The following KERA variants were observed in gnomAD, a reference collection of about 807,000 sequenced individuals.
KERA encodes the protein keratan sulfate proteoglycan keratocan.
Under a neutral mutation model 26.4 loss-of-function variants are expected in KERA, and 25 were observed. That is an observed-to-expected ratio of 0.95 (90% CI 0.69 to 1.32). KERA has a LOEUF of 1.32. Among genes scored for constraint, KERA ranks in the 40% most tolerant of loss-of-function variants. The pLI is 0.00. For missense variants in KERA, 434 were observed against 408.9 expected (o/e 1.06, Z -0.53); for synonymous variants, 167 against 146.1 (o/e 1.14, Z -1.03).
intron 2 of KERA, 99 bp downstream of exon 2, chr12:91,055,297 G>C: frequency 9.5e-7 from 1 of 1,051,074 alleles, no homozygotes; most frequent in Non-Finnish European, 1.4e-6. Flanking sequence ...GAACATTAGC[G>C]GGGGAGGGGG....
Position 91,056,231 on chromosome 12 carries a change from A to T in KERA, c.51T>A (p.Thr17=). ...FIMWVLFITD[T]VWSRSVRQVY... is the part of the protein sequence containing the mutation. ...CCTGCCTCACACTTCTAGACCACACAGTGTCTGTTATGAATAACACCCACA... is the reference window on the plus strand; with the variant it reads ...CCTGCCTCACACTTCTAGACCACACTGTGTCTGTTATGAATAACACCCACA... Residue 17 remains threonine (T), a synonymous_variant, in exon 2 of 3, where the codon ACT becomes ACA. Transcript: ENST00000266719. 6.2e-7 allele frequency: 1 copy of T among 1,609,444 alleles called. No individual in the cohort carries two copies. Among genetic ancestry groups the T allele is most frequent in the Non-Finnish European group, 8.5e-7 (1 of 1,176,978 alleles).
chr12:91,053,103 C>T lies in KERA; in HGVS notation c.887-1585G>A, dbSNP rs145432634. Among the ~76,000 whole-genome samples the T allele has an allele frequency of 2.8e-3, 422 of 151,366 alleles. 4 individuals are homozygous for T. Among genetic ancestry groups the T allele is most frequent in the African/African-American group, 9.6e-3 (399 of 41,424 alleles). On this transcript the variant is annotated intron_variant, in intron 2 of 2. Transcript: ENST00000266719. ...ATAGAGGAGATATGTTTCTTAGAGA[C>T]CACTTTGTTACAACTAGAGTAGATG...
intron 2 of KERA, 120 bp downstream of exon 2, chr12:91,055,276 A>C (rs1359064994): frequency 3.3e-6 from 3 of 915,580 alleles, no homozygotes; most frequent in Non-Finnish European, 5.1e-6. Context: ...AAACACACTA[A>C]AAATCTAAAG....
intron 1 of KERA, among the ~76,000 whole-genome samples, chr12:91,056,968 T>C (rs1197340563): frequency 6.8e-6 from 1 of 147,410 alleles, no homozygotes. Context: ...ATTCTCTCTC[T>C]CTCTCCCTTT....
At chr12:91,057,503 G>A (rs1879042590) in intron 1 of KERA, among the ~76,000 whole-genome samples, 1 of 150,726 alleles carries the variant, frequency 6.6e-6, no homozygotes, top group Non-Finnish European at 1.5e-5. Context: ...ATGAAATGCT[G>A]ATCATTCAAT....
chr12:91,055,246 A>T, intron 2 of KERA, 150 bp downstream of exon 2: 1 of 741,430 alleles, frequency 1.3e-6, no homozygotes, highest in Non-Finnish European at 2.2e-6. Flanking sequence ...GTATAGACAA[A>T]ATTTAATACT....
chr12:91,051,119 C>T lies in KERA; in HGVS notation c.*227G>A. 2.0e-6 allele frequency: 1 copy of T among 503,996 alleles called. No individual in the cohort carries two copies. Among genetic ancestry groups the T allele is most frequent in the South Asian group, 2.1e-5 (1 of 46,850 alleles). The allele number at this position is 503,996 out of a possible 1,614,324, so 31.2% of individuals were successfully genotyped here. On this transcript the variant is annotated 3_prime_UTR_variant, in exon 3 of 3. Transcript: ENST00000266719. ...AACTATCTTTGAGTTGATAAACTAT[C>T]TTAACTCTGTGTCTGTTTTATTAAT...
intron 2 of KERA, among the ~76,000 whole-genome samples, chr12:91,054,186 C>CA (rs1878933557): frequency 6.6e-6 from 1 of 151,182 alleles, no homozygotes; most frequent in Non-Finnish European, 1.5e-5. Context: ...ACTCCCCCCA[C>CA]CAAAAAAACA....
rs1466683905 is a variant in KERA, at chr12:91,055,307, G to T, written c.886+89C>A. 4 of 1,144,312 alleles carry T rather than the reference G, an allele frequency of 3.5e-6. 1 individual carries two copies. Among genetic ancestry groups the T allele is most frequent in the African/African-American group, 1.5e-5 (1 of 64,838 alleles). The allele number at this position is 1,144,312 out of a possible 1,614,324, so 70.9% of individuals were successfully genotyped here. ...TAAAGGAACATTAGCGGGGGAGGGGGCAACACATTTGCTCTTCTTAATGAA... is the reference window on the plus strand; with the variant it reads ...TAAAGGAACATTAGCGGGGGAGGGGTCAACACATTTGCTCTTCTTAATGAA... On this transcript the variant is annotated intron_variant, in intron 2 of 2. Transcript: ENST00000266719.
At chr12:91,052,615 C>T (rs1270613911) in intron 2 of KERA, among the ~76,000 whole-genome samples, 2 of 151,466 alleles carry the variant, frequency 1.3e-5, no homozygotes, top group African/African-American at 4.8e-5. Context: ...TTACATACAT[C>T]CAAGTATCAC....
chr12:91,055,307 G>A (rs1466683905), intron 2 of KERA, 89 bp downstream of exon 2: 3 of 1,144,322 alleles, frequency 2.6e-6, no homozygotes, highest in East Asian at 2.4e-5. Flanking sequence ...GGGGGAGGGG[G>A]CAACACATTT....
At chr12:91,055,192 TC>T (rs1878961026) in intron 2 of KERA, among the ~76,000 whole-genome samples, 1 of 151,152 alleles carries the variant, frequency 6.6e-6, no homozygotes, top group Non-Finnish European at 1.5e-5. Context: ...TTTTTAGTCT[TC>T]AGTTTGAAGA....
chr12:91,056,542 G>T (rs1307248300), intron 1 of KERA, among the ~76,000 whole-genome samples: 1 of 151,124 alleles, frequency 6.6e-6, no homozygotes, highest in Non-Finnish European at 1.5e-5. Flanking sequence ...GCCGAGAAAT[G>T]GAAAGAAAAT....
chr12:91,054,806 T>G (rs1192202193), intron 2 of KERA, among the ~76,000 whole-genome samples: 1 of 151,286 alleles, frequency 6.6e-6, no homozygotes, highest in African/African-American at 2.4e-5. Context: ...GAACATCAAC[T>G]GGACGGCTGT....
At chr12:91,053,936 T>A (rs1276548069) in intron 2 of KERA, among the ~76,000 whole-genome samples, 1 of 151,388 alleles carries the variant, frequency 6.6e-6, no homozygotes, top group Admixed American at 6.6e-5. Context: ...AATGTACCTG[T>A]AATATACCTG....
At chr12:91,052,788 C>A (rs1227650823) in intron 2 of KERA, among the ~76,000 whole-genome samples, 1 of 151,402 alleles carries the variant, frequency 6.6e-6, no homozygotes, top group Non-Finnish European at 1.5e-5. Context: ...TACAATGTGT[C>A]TCTTGCCCAA....
chr12:91,056,275 C>T lies in KERA; in HGVS notation c.7G>A (p.Gly3Ser), dbSNP rs780006810. Residue 3 changes from glycine to serine, a missense_variant, in exon 2 of 3, where the codon GGC becomes AGC. Physicochemically the swap from Gly to Ser is moderately conservative, Grantham distance 56. Coordinates refer to ENST00000266719, the MANE Select transcript of KERA (RefSeq NM_007035.4). ...ACCCACATGATGAAACAGATTGTGCCTGCCATTATAGCACCTACAGAAAAA... is the reference window on the plus strand; with the variant it reads ...ACCCACATGATGAAACAGATTGTGCTTGCCATTATAGCACCTACAGAAAAA... MA[G>S]TICFIMWVLF... The T allele has an allele frequency of 1.2e-6, 2 of 1,608,754 alleles. No homozygotes were observed. The highest frequency in any genetic ancestry group is 2.2e-5 in the East Asian group (1 of 44,728).
At chr12:91,053,805 C>T (rs1291829718) in intron 2 of KERA, among the ~76,000 whole-genome samples, 2 of 151,318 alleles carry the variant, frequency 1.3e-5, no homozygotes, top group East Asian at 1.9e-4. Flanking sequence ...ACTGCTGCCT[C>T]ACTCCTAAAC....
At chr12:91,054,122 A>C (rs535472736) in intron 2 of KERA, among the ~76,000 whole-genome samples, 23 of 151,374 alleles carry the variant, frequency 1.5e-4, no homozygotes, top group Admixed American at 1.3e-3. Flanking sequence ...AACCGCTATG[A>C]TGGCAGGCTG....
Sources: gnomAD v4.1 joint callset for allele counts (sites outside exome capture counted in the v4.1 genomes callset) on GRCh38, gnomAD v4.1.1 for gene constraint, MANE v1.5 for transcripts, NCBI Gene and HGNC (gene_info 2026-07-23, HGNC 2026-07-21) for gene names.